PRUNE2: variants seen among roughly 807,000 people sequenced by gnomAD.
PRUNE2 encodes the protein protein prune homolog 2.
PRUNE2 carries 164 observed loss-of-function variants against 252.0 expected under a neutral mutation model. The ratio of observed to expected loss-of-function variants is 0.65; its 90% CI spans 0.57 to 0.74. PRUNE2 has a LOEUF of 0.74. PRUNE2 is among the 30% of genes least tolerant of loss of function. The probability of loss-of-function intolerance (pLI) is 0.00; values close to 1 mark genes in which losing one functional copy is unlikely to be tolerated. For synonymous variants in PRUNE2, 1,292 were observed against 1,350.2 expected, an observed-to-expected ratio of 0.96 and a Z score of 0.94; for missense variants, 3,495 against 3,711.0, an observed-to-expected ratio of 0.94 and a Z score of 1.51.
intron 6 of PRUNE2, among the ~76,000 whole-genome samples, chr9:76,725,236 T>C (rs921243706): frequency 2.0e-5 from 3 of 152,238 alleles, no homozygotes; most frequent in Non-Finnish European, 4.4e-5. Context: ...CACGTGTGCA[T>C]TGCACACACT....
chr9:76,701,741 A>G (rs1249965220), intron 9 of PRUNE2, among the ~76,000 whole-genome samples: 1 of 152,208 alleles, frequency 6.6e-6, no homozygotes, highest in Non-Finnish European at 1.5e-5. Context: ...CTAATCCTCA[A>G]CATACCCCAG....
intron 6 of PRUNE2, among the ~76,000 whole-genome samples, chr9:76,781,760 T>C (rs1418297983): frequency 6.6e-6 from 1 of 152,240 alleles, no homozygotes. Context: ...ACCTAGCACA[T>C]AGCATATAGT....
intron 6 of PRUNE2, among the ~76,000 whole-genome samples, chr9:76,748,241 C>T (rs1326076013): frequency 6.6e-6 from 1 of 152,170 alleles, no homozygotes; most frequent in Non-Finnish European, 1.5e-5. Flanking sequence ...AGTTCAAATG[C>T]AAAATCCTTT....
At chr9:76,760,958 T>C (rs1413403652) in intron 6 of PRUNE2, among the ~76,000 whole-genome samples, 1 of 151,894 alleles carries the variant, frequency 6.6e-6, no homozygotes, top group Non-Finnish European at 1.5e-5. Flanking sequence ...CGGTGGCCCA[T>C]GCCTGTAGTC....
intron 6 of PRUNE2, among the ~76,000 whole-genome samples, chr9:76,792,654 AC>A (rs2055666770): frequency 6.6e-6 from 1 of 152,202 alleles, no homozygotes; most frequent in African/African-American, 2.4e-5. Flanking sequence ...CATTTTGTCC[AC>A]TACTTAAAGA....
chr9:76,726,829 C>T (rs1314615138), intron 6 of PRUNE2, among the ~76,000 whole-genome samples: 1 of 152,186 alleles, frequency 6.6e-6, no homozygotes, highest in Admixed American at 6.5e-5. Flanking sequence ...ATCTATGAGG[C>T]ATTAAAATGC....
Position 76,696,871 on chromosome 9 carries a change from G to C in PRUNE2, c.8276+6466C>G, listed in dbSNP as rs190458608. Among the ~76,000 whole-genome samples the C allele has an allele frequency of 2.4e-3, 370 of 152,304 alleles. 1 individual carries two copies. The highest frequency in any genetic ancestry group is 4.0e-3 in the Non-Finnish European group (275 of 68,018). The stretch of plus-strand genomic sequence containing the variant: ...ACCTGAAATAGTCTTTCTGGGTTCT[G>C]GTCATCACTCTGTCTCCCCACTCCT... On this transcript the variant is annotated intron_variant, in intron 9 of 18. Transcript: ENST00000376718.
intron 6 of PRUNE2, among the ~76,000 whole-genome samples, chr9:76,743,354 T>C (rs2049817443): frequency 6.6e-6 from 1 of 152,218 alleles, no homozygotes. Flanking sequence ...TTCTATAGTT[T>C]TGAGAAGCTA....
intron 1 of PRUNE2, among the ~76,000 whole-genome samples, chr9:76,864,677 A>G (rs1255908373): frequency 1.3e-5 from 2 of 152,208 alleles, no homozygotes; most frequent in African/African-American, 4.8e-5. Context: ...GTTCCTATAT[A>G]TTGATTTTTA....
chr9:76,755,211 C>T (rs2051026263), intron 6 of PRUNE2, among the ~76,000 whole-genome samples: 6 of 152,144 alleles, frequency 3.9e-5, no homozygotes, highest in Admixed American at 3.9e-4. Context: ...CTATTCGTCT[C>T]CCCTGCCCCC....
At position 76,708,243 on chromosome 9, in the gene PRUNE2, ACCT is replaced by A. The variant is rs1564107642; in HGVS notation, c.4028_4030del (p.Glu1343del). On this transcript the variant is annotated inframe_deletion, in exon 8 of 19. Transcript: ENST00000376718. Reference sequence around the variant, plus strand: ...GGCATTCTCCACACCAGAGGCGATCACCTCCTCTTCATCAAGGTGCCCCCTGTC... The same window carrying A: ...GGCATTCTCCACACCAGAGGCGATCACCTCTTCATCAAGGTGCCCCCTGTC... The A allele has an allele frequency of 6.2e-7, 1 of 1,613,556 alleles. No homozygotes were observed.
At chr9:76,843,725 CTTTTT>C (rs71501394) in intron 4 of PRUNE2, among the ~76,000 whole-genome samples, 1 of 128,172 alleles carries the variant, frequency 7.8e-6, no homozygotes, top group Non-Finnish European at 1.6e-5. Context: ...CTTGATTCCT[CTTTTT>C]TTTTTTTTTT....
intron 1 of PRUNE2, among the ~76,000 whole-genome samples, chr9:76,870,375 G>T (rs749757063): frequency 4.2e-4 from 64 of 151,116 alleles, no homozygotes; most frequent in South Asian, 1.7e-3. Context: ...GTGGAAAGGA[G>T]AGAGAACATG....
rs1827407478 is a variant in PRUNE2 at position 76,611,418 on chromosome 9, A to G, written c.*3152T>C. On this transcript the variant is annotated 3_prime_UTR_variant, in exon 19 of 19. Transcript: ENST00000376718. Reference sequence around the variant, plus strand: ...TTTCTGAATTATACAGTGAGGCTATATAGATATATTGTGTCATTAAAGACT... The same window carrying G: ...TTTCTGAATTATACAGTGAGGCTATGTAGATATATTGTGTCATTAAAGACT... 1 of 152,240 alleles carries G rather than the reference A, an allele frequency of 6.6e-6. No homozygotes were observed. Among genetic ancestry groups the G allele is most frequent in the Non-Finnish European group, 1.5e-5 (1 of 68,048 alleles). The allele number at this position is 152,240 out of a possible 1,614,324, so 9.4% of individuals were successfully genotyped here. A position where few individuals can be genotyped will look rare whatever the true frequency, so the allele number is the denominator to read the frequency against.
At chr9:76,749,086 G>C (rs2050386483) in intron 6 of PRUNE2, among the ~76,000 whole-genome samples, 1 of 152,178 alleles carries the variant, frequency 6.6e-6, no homozygotes, top group Non-Finnish European at 1.5e-5. Flanking sequence ...GGTAATAATG[G>C]CTTAAAACAA....
chr9:76,746,515 C>T (rs1173651486), intron 6 of PRUNE2, among the ~76,000 whole-genome samples: 4 of 151,284 alleles, frequency 2.6e-5, no homozygotes, highest in Admixed American at 2.6e-4. Context: ...ACCATCCTGG[C>T]TAACAAGGTG....
intron 16 of PRUNE2, chr9:76,627,896 CTTGGCATATCATAGACACACA>C (rs1835629853): frequency 2.4e-6 from 1 of 416,744 alleles, no homozygotes. Context: ...CACTGCTATG[CTTGGCATATCATAGACACACA>C]TTACATGAGA....
intron 6 of PRUNE2, among the ~76,000 whole-genome samples, chr9:76,791,836 G>T (rs1403940232): frequency 2.6e-5 from 4 of 152,180 alleles, no homozygotes; most frequent in Non-Finnish European, 5.9e-5. Flanking sequence ...ACCTGACTAA[G>T]GGAGGGGGAA....
intron 15 of PRUNE2, among the ~76,000 whole-genome samples, chr9:76,635,161 G>A (rs1211267468): frequency 6.6e-6 from 1 of 152,056 alleles, no homozygotes; most frequent in African/African-American, 2.4e-5. Flanking sequence ...TAGTAGAGAT[G>A]GGGTTTCACC....
Sources: allele counts gnomAD v4.1 joint callset (sites outside exome capture counted in the v4.1 genomes callset), GRCh38; gene constraint gnomAD v4.1.1; transcripts MANE v1.5; gene names NCBI Gene and HGNC (gene_info 2026-07-23, HGNC 2026-07-21).